Variants in PHF14 observed in about 807,000 individuals in gnomAD.
PHF14 encodes PHD finger protein 14.
PHF14 carries 55 observed loss-of-function variants against 117.9 expected under a neutral mutation model. The ratio of observed to expected loss-of-function variants is 0.47; its 90% confidence interval spans 0.38 to 0.58. PHF14 has a LOEUF of 0.58. PHF14 is among the 20% of genes least tolerant of loss of function. The pLI is 0.00. For missense variants in PHF14, 978 were observed against 1,122.2 expected, an observed-to-expected ratio of 0.87 and a Z score of 1.84; for synonymous variants, 409 against 368.6, an observed-to-expected ratio of 1.11 and a Z score of -1.26.
chr7:11,006,741 G>A, intron 4 of PHF14: 1 of 684,506 alleles, frequency 1.5e-6, no homozygotes, highest in Non-Finnish European at 2.7e-6. Context: ...CTGGAAGGTG[G>A]GTGACATGCG....
In PHF14 at chr7:10,982,443, G is replaced by C; in HGVS notation, c.184G>C (p.Glu62Gln). The change falls in exon 3 of 18, where the codon GAA becomes CAA. Residue 62 changes from glutamate (E) to glutamine (Q), a missense_variant. Transcript: ENST00000634607. Reference sequence around the variant, plus strand: ...TGGAGAAGGTTCCTGTAGTGATTCTGAAGAAAATATTTTAGAAGAAGAACT... The same window carrying C: ...TGGAGAAGGTTCCTGTAGTGATTCTCAAGAAAATATTTTAGAAGAAGAACT... ...DSGEGSCSDS[E>Q]ENILEEELNE... 6.3e-7 allele frequency: 1 copy of C among 1,593,922 alleles called. No individual in the cohort carries two copies. Among genetic ancestry groups the C allele is most frequent in the Non-Finnish European group, 8.6e-7 (1 of 1,168,006 alleles).
At chr7:11,031,418 A>G (rs1028115885) in intron 7 of PHF14, among the ~76,000 whole-genome samples, 2 of 152,098 alleles carry the variant, frequency 1.3e-5, no homozygotes, top group African/African-American at 4.8e-5. Flanking sequence ...TATTAGAAGG[A>G]TATTTAAAAC....
chr7:11,136,987 A>T (rs907196528), intron 17 of PHF14, among the ~76,000 whole-genome samples: 1 of 152,246 alleles, frequency 6.6e-6, no homozygotes, highest in African/African-American at 2.4e-5. Context: ...TTTCGTTAGG[A>T]CCTTAATATA....
At chr7:11,103,423 A>C in intron 16 of PHF14, 1 of 982,312 alleles carries the variant, frequency 1.0e-6, no homozygotes, top group Non-Finnish European at 1.2e-6. Flanking sequence ...AGCTGAAAGA[A>C]AGATCTTCAT....
In PHF14 at chr7:11,062,937, G is replaced by GT. The variant is rs1275012950; in HGVS notation, c.2654+854dup. ...AAAAATTGTCTTCTGGTAAAGCCCTGTTAAATTAACTGAGGACACAGAAAT... is the reference window on the plus strand; with the variant it reads ...AAAAATTGTCTTCTGGTAAAGCCCTGTTTAAATTAACTGAGGACACAGAAAT... On this transcript the variant is annotated intron_variant, in intron 16 of 17. Transcript: ENST00000634607. 3 of 973,078 alleles carry GT rather than the reference G, an allele frequency of 3.1e-6. No homozygotes were observed. In the East Asian group the frequency reaches 3.4e-4, roughly 111 times the overall value. The allele number at this position is 973,078 out of a possible 1,614,324, so 60.3% of individuals were successfully genotyped here.
chr7:10,984,191 G>C (rs771072798), intron 3 of PHF14, among the ~76,000 whole-genome samples: 1 of 152,060 alleles, frequency 6.6e-6, no homozygotes, highest in Non-Finnish European at 1.5e-5. Flanking sequence ...CTGCCTACAA[G>C]TTTTACATAG....
intron 2 of PHF14, among the ~76,000 whole-genome samples, chr7:10,977,985 A>G (rs927415165): frequency 2.0e-5 from 3 of 151,526 alleles, no homozygotes; most frequent in Admixed American, 6.6e-5. Context: ...GACATGTATT[A>G]CTTCTATTAA....
chr7:11,093,085 A>C (rs538119418), intron 16 of PHF14, among the ~76,000 whole-genome samples: 2 of 152,296 alleles, frequency 1.3e-5, no homozygotes, highest in Non-Finnish European at 2.9e-5. Flanking sequence ...CTAAACTTCT[A>C]ATTTCCCTTA....
chr7:11,088,583 C>G (rs926203874), intron 16 of PHF14, among the ~76,000 whole-genome samples: 1 of 151,884 alleles, frequency 6.6e-6, no homozygotes, highest in Non-Finnish European at 1.5e-5. Context: ...TGAAGAATTT[C>G]ATTTTCTTAC....
chr7:11,157,850 G>A (rs143139070), intron 17 of PHF14, among the ~76,000 whole-genome samples: 1,731 of 152,190 alleles, frequency 0.011, 15 homozygotes, highest in Non-Finnish European at 0.018. Flanking sequence ...CCATAACTCT[G>A]ATTGCCTCTG....
At chr7:11,004,030 T>C (rs1166234606) in intron 4 of PHF14, among the ~76,000 whole-genome samples, 1 of 152,032 alleles carries the variant, frequency 6.6e-6, no homozygotes, top group Non-Finnish European at 1.5e-5. Context: ...GGTGGATCGC[T>C]TGAGCTCAGG....
chr7:10,985,938 C>G (rs750783441), intron 3 of PHF14, among the ~76,000 whole-genome samples: 52 of 151,892 alleles, frequency 3.4e-4, no homozygotes, highest in Admixed American at 4.6e-4. Context: ...CAGGCATGAG[C>G]CACCACACCT....
At chr7:11,113,603 A>G (rs1179273097) in intron 17 of PHF14, among the ~76,000 whole-genome samples, 1 of 152,198 alleles carries the variant, frequency 6.6e-6, no homozygotes, top group Non-Finnish European at 1.5e-5. Context: ...ATATGACTTA[A>G]TATACTACCA....
At chr7:10,986,735 CTGAGGTAAGTTTTT>C (rs1340931152) in intron 3 of PHF14, among the ~76,000 whole-genome samples, 1 of 152,084 alleles carries the variant, frequency 6.6e-6, no homozygotes, top group African/African-American at 2.4e-5. Context: ...CTTTAGTTTT[CTGAGGTAAGTTTTT>C]TGGGGACGGC....
At chr7:11,103,550 C>A in intron 16 of PHF14, 1 of 984,966 alleles carries the variant, frequency 1.0e-6, no homozygotes, top group Non-Finnish European at 1.2e-6. Flanking sequence ...CAATCTTGAA[C>A]TGATTTAGAA....
intron 14 of PHF14, among the ~76,000 whole-genome samples, chr7:11,057,706 A>T (rs540393632): frequency 6.6e-6 from 1 of 152,296 alleles, no homozygotes; most frequent in East Asian, 1.9e-4. Context: ...CCTGCTAGAT[A>T]AGATAATTTT....
intron 3 of PHF14, among the ~76,000 whole-genome samples, chr7:10,987,465 G>A (rs1265334206): frequency 6.6e-6 from 1 of 152,082 alleles, no homozygotes; most frequent in Admixed American, 6.6e-5. Flanking sequence ...TTTAGAGCCT[G>A]TGGAGAACAT....
chr7:11,026,987 C>T (rs1441482230), intron 6 of PHF14, among the ~76,000 whole-genome samples: 2 of 152,102 alleles, frequency 1.3e-5, no homozygotes, highest in Non-Finnish European at 2.9e-5. Context: ...ATTATGTTCT[C>T]CTGTGTTCTC....
intron 4 of PHF14, among the ~76,000 whole-genome samples, chr7:11,003,777 TA>T (rs1465913692): frequency 4.6e-5 from 7 of 152,248 alleles, no homozygotes; most frequent in Non-Finnish European, 1.0e-4. Flanking sequence ...AGTAGATATG[TA>T]AAAATAGTTA....
Sources: gnomAD v4.1 joint callset for allele counts (sites outside exome capture counted in the v4.1 genomes callset) on GRCh38, gnomAD v4.1.1 for gene constraint, MANE v1.5 for transcripts, NCBI Gene and HGNC (gene_info 2026-07-23, HGNC 2026-07-21) for gene names.